Variants in ABCC12 observed in about 807,000 individuals in gnomAD.
ABCC12 encodes the protein ATP binding cassette subfamily C member 12, also known as ATP-binding cassette sub-family C member 12.
ABCC12 carries 142 observed loss-of-function variants against 151.1 expected under a neutral mutation model. The ratio of observed to expected loss-of-function variants is 0.94; its 90% CI spans 0.82 to 1.08. The LOEUF (loss-of-function observed/expected upper bound fraction) is 1.08. ABCC12 is among the 50% of genes least tolerant of loss of function. ABCC12 has a pLI of 0.00. For synonymous variants in ABCC12, 645 were observed against 646.4 expected (o/e 1.00, Z 0.03); for missense variants, 1,638 against 1,691.1 (o/e 0.97, Z 0.55).
At position 48,133,689 on chromosome 16, in the gene ABCC12, C is replaced by T. The variant is rs369910472; in HGVS notation, c.1126G>A (p.Val376Met). ...CTCGATCTGGAGCCAGCTCTTACCA[C>T]GGGTGCGGTGAGTTTGCGTCTCAGG... ...ILLRRKLTAP[V>M]AFSVIAMFNV... is the part of the protein sequence containing the mutation. Residue 376 changes from valine to methionine, a missense_variant and splice_region_variant, in exon 9 of 31, where the codon GTG (valine) becomes ATG (methionine). Physicochemically the swap from Val to Met is conservative, Grantham distance 21. Transcript: ENST00000311303. 1.1e-5 allele frequency: 18 copies of T among 1,613,448 alleles called. No individual in the cohort carries two copies. Among genetic ancestry groups the T allele is most frequent in the Middle Eastern group, 1.7e-4 (1 of 6,008 alleles).
In ABCC12 at chr16:48,081,543, C is replaced by T. The variant is rs1445766710; in HGVS notation, c.*2172G>A. On this transcript the variant is annotated 3_prime_UTR_variant, in exon 31 of 31. Coordinates refer to ENST00000311303, the MANE Select transcript of ABCC12 (RefSeq NM_001393797.1). ...GTTCAAGCCCTATCTCTGTCCCTTCCTTCCTGGGCATCTGTAGATAAGTTA... is the reference window on the plus strand; with the variant it reads ...GTTCAAGCCCTATCTCTGTCCCTTCTTTCCTGGGCATCTGTAGATAAGTTA... 6.6e-6 allele frequency among the ~76,000 whole-genome samples: 1 copy of T among 152,178 alleles called. No individual in the cohort carries two copies. Among genetic ancestry groups the T allele is most frequent in the Admixed American group, 6.5e-5 (1 of 15,284 alleles).
chr16:48,091,760 A>G (rs974102371), intron 24 of ABCC12, among the ~76,000 whole-genome samples: 5 of 152,202 alleles, frequency 3.3e-5, no homozygotes, highest in Non-Finnish European at 7.3e-5. Flanking sequence ...CCAAAAGCCA[A>G]CCCCAAGATT....
At chr16:48,087,869 G>C (rs1465301740) in intron 27 of ABCC12, 57 bp downstream of exon 27, 9 of 1,566,572 alleles carry the variant, frequency 5.7e-6, no homozygotes, top group Non-Finnish European at 7.8e-6. Context: ...CAAAGTTCTT[G>C]GTCAGTCTGA....
chr16:48,144,209 G>A lies in ABCC12; in HGVS notation c.120-144C>T. The stretch of plus-strand genomic sequence containing the variant: ...CATTCATTATGTTTATTAGCCCTTT[G>A]AGCAGTGATGTGCTGGGGCCAGCTG... On this transcript the variant is annotated intron_variant, in intron 3 of 30. Coordinates refer to ENST00000311303, the MANE Select transcript of ABCC12 (RefSeq NM_001393797.1). 4.6e-6 allele frequency: 5 copies of A among 1,075,810 alleles called. No individual in the cohort carries two copies. In the South Asian group the frequency reaches 7.2e-5, roughly 15 times the overall value. 66.6% of individuals were successfully genotyped at this position (1,075,810 alleles called of 1,614,324 possible).
chr16:48,108,644 T>C (rs771881596), intron 18 of ABCC12, 115 bp from the exon 19 acceptor site: 74 of 726,224 alleles, frequency 1.0e-4, no homozygotes, highest in Non-Finnish European at 1.6e-4. Context: ...TGATGCATCC[T>C]TCCACTCGTC....
intron 21 of ABCC12, among the ~76,000 whole-genome samples, 164 bp from the exon 22 acceptor site, chr16:48,104,532 CGGCCACCGTGAATGA>C (rs1963419709): frequency 6.6e-6 from 1 of 152,148 alleles, no homozygotes; most frequent in South Asian, 2.1e-4. Flanking sequence ...CCCATTCTTG[CGGCCACCGTGAATGA>C]GTGTGAATGT....
intron 4 of ABCC12, among the ~76,000 whole-genome samples, chr16:48,142,451 A>G (rs1964850428): frequency 6.6e-6 from 1 of 152,228 alleles, no homozygotes; most frequent in East Asian, 1.9e-4. Context: ...ATGGGAGGAA[A>G]CATTAAGAAC....
intron 27 of ABCC12, 104 bp downstream of exon 27, chr16:48,087,822 A>G (rs1314653507): frequency 7.8e-7 from 1 of 1,284,974 alleles, no homozygotes; most frequent in East Asian, 2.4e-5. Context: ...TCCCTCAGAC[A>G]GAACAGCTCC....
chr16:48,105,395 A>G, intron 20 of ABCC12, 59 bp from the exon 21 acceptor site: 1 of 1,497,628 alleles, frequency 6.7e-7, no homozygotes, highest in Non-Finnish European at 9.0e-7. Context: ...GGAGAACAGG[A>G]ATTTTCCGGA....
intron 1 of ABCC12, among the ~76,000 whole-genome samples, chr16:48,155,384 A>C (rs1295787677): frequency 1.3e-5 from 2 of 152,128 alleles, no homozygotes; most frequent in East Asian, 3.9e-4. Context: ...GTTAAAAAAA[A>C]AAAAAAAAGA....
At chr16:48,123,650 G>A (rs749780581) in intron 12 of ABCC12, among the ~76,000 whole-genome samples, 8 of 152,140 alleles carry the variant, frequency 5.3e-5, no homozygotes, top group South Asian at 2.1e-4. Context: ...CTTAGAAACC[G>A]TGGCAACATA....
chr16:48,138,364 G>A lies in ABCC12; in HGVS notation c.843C>T (p.Ala281=). The A allele has an allele frequency of 6.2e-7, 1 of 1,612,902 alleles. No homozygotes were observed. Among genetic ancestry groups the A allele is most frequent in the Non-Finnish European group, 8.5e-7 (1 of 1,179,152 alleles). Residue 281 remains alanine, a synonymous_variant, in exon 8 of 31, where the codon GCC becomes GCT. Transcript: ENST00000311303. ...VIFIPVQMFM[A]KLNSAFRRSA... ...ACCTTCGGAAAGCTGAATTGAGCTTGGCCATAAACATCTGAAATCAAGGTA... is the reference window on the plus strand; with the variant it reads ...ACCTTCGGAAAGCTGAATTGAGCTTAGCCATAAACATCTGAAATCAAGGTA...
intron 4 of ABCC12, among the ~76,000 whole-genome samples, 157 bp downstream of exon 4, chr16:48,143,753 C>T (rs1295929422): frequency 6.6e-6 from 1 of 152,218 alleles, no homozygotes; most frequent in Non-Finnish European, 1.5e-5. Context: ...TGCCTTTACT[C>T]CTCCTTCACC....
Position 48,139,200 on chromosome 16 carries a change from A to T in ABCC12, c.794T>A (p.Ile265Asn). The T allele has an allele frequency of 6.2e-7, 1 of 1,613,504 alleles. No homozygotes were observed. The highest frequency in any genetic ancestry group is 1.1e-5 in the South Asian group (1 of 90,928). Residue 265 changes from isoleucine to asparagine, a missense_variant, in exon 7 of 31, where the codon ATC (isoleucine) becomes AAC (asparagine). Coordinates refer to ENST00000311303, the MANE Select transcript of ABCC12 (RefSeq NM_001393797.1). ...GAATATGACATACACTGATATCCCG[A>T]TGAGAGCTGTGGGCCCCAGAATGAA... ...AFFILGPTALIGISVYVIFIP... is the reference protein window; with the variant it reads ...AFFILGPTALNGISVYVIFIP...
At chr16:48,098,090 GACAC>G (rs66949388) in intron 23 of ABCC12, among the ~76,000 whole-genome samples, 9,720 of 121,814 alleles carry the variant, frequency 0.08, 359 homozygotes, top group African/African-American at 0.1. Flanking sequence ...TGCCCCACCT[GACAC>G]ACACACACAC....
rs138307853 is a variant in ABCC12, at chr16:48,102,562, G to A, written c.2901-1553C>T. On this transcript the variant is annotated intron_variant, in intron 22 of 30. Coordinates refer to ENST00000311303, the MANE Select transcript of ABCC12 (RefSeq NM_001393797.1). ...AATTTCGCTTCCTCAGGGTCACCAC[G>A]GGAACAGTGAAAGACAGCAGCAAGA... is the stretch of plus-strand genomic sequence containing the variant. Among the ~76,000 whole-genome samples, 79 of 152,174 alleles carry A rather than the reference G, an allele frequency of 5.2e-4. No individual in the cohort carries two copies. In the East Asian group the frequency reaches 0.014, roughly 27 times the overall value.
intron 23 of ABCC12, among the ~76,000 whole-genome samples, chr16:48,097,216 A>G (rs988045004): frequency 6.6e-6 from 1 of 152,102 alleles, no homozygotes; most frequent in South Asian, 2.1e-4. Context: ...ACAGCTGAGA[A>G]GAAGAGGTGC....
chr16:48,113,377 C>A (rs530508166), intron 15 of ABCC12, among the ~76,000 whole-genome samples: 28 of 152,346 alleles, frequency 1.8e-4, no homozygotes, highest in African/African-American at 5.8e-4. Context: ...ACAGCACACG[C>A]TCCAGCTCCA....
In ABCC12 at chr16:48,107,400, C is replaced by T. The variant is rs1345627089; in HGVS notation, c.2397G>A (p.Val799=). The part of the protein sequence containing the change: ...SGGYLLSLFT[V]FLFLLMIGSA... ...TGCCAATCATCAGGAGGAAGAGGAA[C>T]ACAGTGAAGAGAGAAAGGAGGTACC... Residue 799 remains valine, a synonymous_variant, in exon 20 of 31, where the codon GTG becomes GTA. Coordinates refer to ENST00000311303, the MANE Select transcript of ABCC12 (RefSeq NM_001393797.1). 8.7e-6 allele frequency: 14 copies of T among 1,614,072 alleles called. No homozygotes were observed. Among genetic ancestry groups the T allele is most frequent in the Non-Finnish European group, 1.2e-5 (14 of 1,180,044 alleles).
Sources: gnomAD v4.1 joint callset for allele counts (sites outside exome capture counted in the v4.1 genomes callset) on GRCh38, gnomAD v4.1.1 for gene constraint, MANE v1.5 for transcripts, NCBI Gene and HGNC (gene_info 2026-07-23, HGNC 2026-07-21) for gene names.